Variants in KMT2A observed in about 807,000 individuals in gnomAD.
KMT2A encodes histone-lysine N-methyltransferase 2A.
A neutral mutation model predicts 345.3 loss-of-function variants in KMT2A; 16 were observed. The ratio of observed to expected loss-of-function variants is 0.05; its 90% confidence interval spans 0.03 to 0.07. The LOEUF (loss-of-function observed/expected upper bound fraction) is 0.07, where lower values mean the gene tolerates loss of function less well. KMT2A is among the 10% of genes least tolerant of loss of function. The pLI, the probability that KMT2A is intolerant of heterozygous loss-of-function variation, is 1.00. For synonymous variants in KMT2A, 1,599 were observed against 1,778.6 expected, an observed-to-expected ratio of 0.90 and a Z score of 2.54; for missense variants, 3,272 against 4,841.6, an observed-to-expected ratio of 0.68 and a Z score of 9.62.
chr11:118,511,874 C>A, intron 30 of KMT2A, 77 bp from the exon 31 acceptor site: 2 of 1,099,672 alleles, frequency 1.8e-6, no homozygotes, highest in Admixed American at 1.8e-5. Flanking sequence ...CTAAGCAGTG[C>A]TTGTGCACAT....
At position 118,491,784 on chromosome 11, in the gene KMT2A, G is replaced by A. The variant is rs1296033988; in HGVS notation, c.4860G>A (p.Val1620=). The change falls in exon 15 of 36, where the codon GTG becomes GTA. Residue 1620 remains valine (V), a synonymous_variant. Transcript: ENST00000534358. This position sits in a 1 kb window ranked among gnomAD's most constrained non-coding sequence, Gnocchi z 4.2. ...YEILSNLPES[V]AYTCVNCTER... Reference sequence around the variant, plus strand: ...TTCTATCTAATCTGCCAGAAAGTGTGGCCTACACTTGTGTGAACTGTACTG... The same window carrying A: ...TTCTATCTAATCTGCCAGAAAGTGTAGCCTACACTTGTGTGAACTGTACTG... The A allele has an allele frequency of 6.2e-7, 1 of 1,612,848 alleles. No individual in the cohort carries two copies. The highest frequency in any genetic ancestry group is 1.3e-5 in the African/African-American group (1 of 74,882).
intron 3 of KMT2A, among the ~76,000 whole-genome samples, chr11:118,475,234 A>G (rs782779403): frequency 3.9e-5 from 6 of 152,210 alleles, no homozygotes; most frequent in Admixed American, 6.5e-5. Context: ...GATGATGCCA[A>G]ATATTTTTAC....
chr11:118,480,447 TTTAAATTTATA>T (rs1188619979), intron 6 of KMT2A, among the ~76,000 whole-genome samples: 13 of 152,130 alleles, frequency 8.5e-5, no homozygotes, highest in African/African-American at 3.1e-4. Context: ...TAATAAATTT[TTTAAATTTATA>T]TAAAAATCAT....
chr11:118,492,710 TCA>T (rs1555042886), intron 15 of KMT2A, among the ~76,000 whole-genome samples: 1 of 152,104 alleles, frequency 6.6e-6, no homozygotes, highest in Non-Finnish European at 1.5e-5. Flanking sequence ...ACCGCATGGA[TCA>T]CTTTACCTCA....
intron 31 of KMT2A, among the ~76,000 whole-genome samples, chr11:118,513,859 G>A (rs1252595921): frequency 6.7e-6 from 1 of 148,498 alleles, no homozygotes. Context: ...AGCGCATTGA[G>A]CCTGGGAGGT....
chr11:118,501,618 G>A, intron 25 of KMT2A, 54 bp from the exon 26 acceptor site: 5 of 1,458,662 alleles, frequency 3.4e-6, no homozygotes, highest in Non-Finnish European at 4.7e-6. Flanking sequence ...TGGTTAATTT[G>A]TTTGATATTT....
chr11:118,472,322 A>G lies in KMT2A; in HGVS notation c.1163A>G (p.Glu388Gly). Residue 388 changes from glutamate (E) to glycine (G), a missense_variant, in exon 3 of 36, where the codon GAA (glutamate) becomes GGA (glycine). Glu to Gly is a moderately conservative substitution (Grantham distance 98). This residue lies in a region of KMT2A where 412 missense variants were observed against 511.0 expected (regional missense o/e 0.81). Coordinates refer to ENST00000534358, the MANE Select transcript of KMT2A (RefSeq NM_001197104.2). ...RAKKGAQKKI[E>G]KEAAQLQGRK... is the part of the protein sequence containing the mutation. ...AAAAAGGGGGCTCAAAAGAAAATTG[A>G]AAAAGAAGCAGCTCAGCTGCAGGGA... 1 of 1,614,182 alleles carries G rather than the reference A, an allele frequency of 6.2e-7. No individual in the cohort carries two copies. The highest frequency in any genetic ancestry group is 2.2e-5 in the East Asian group (1 of 44,886).
In KMT2A at chr11:118,509,175, T is replaced by C. The variant is rs199851071; in HGVS notation, c.10875T>C (p.Asn3625=). ...TTCCGGAAGTTCAGGTGACCCAAAA[T>C]CCAGCAAATGAACAAGAAAGTGCAG... The part of the protein sequence containing the change: ...AVLPEVQVTQ[N]PANEQESAEP... Residue 3625 remains asparagine (N), a synonymous_variant, in exon 29 of 36, where the codon AAT becomes AAC. Coordinates refer to ENST00000534358, the MANE Select transcript of KMT2A (RefSeq NM_001197104.2). 9.7e-5 allele frequency: 157 copies of C among 1,613,828 alleles called. No individual in the cohort carries two copies. In the East Asian group the frequency reaches 3.1e-3, roughly 32 times the overall value.
chr11:118,456,085 C>T (rs1231560997), intron 1 of KMT2A, among the ~76,000 whole-genome samples: 1 of 152,102 alleles, frequency 6.6e-6, no homozygotes, highest in Non-Finnish European at 1.5e-5. Context: ...ATCCCACTGC[C>T]TCAGGCCCCC....
rs9332745 is a variant in KMT2A, at chr11:118,436,601, C to G, written c.89C>G (p.Ala30Gly). 0.024 allele frequency: 27,701 copies of G among 1,166,772 alleles called. 397 individuals are homozygous for G. Among genetic ancestry groups the G allele is most frequent in the Non-Finnish European group, 0.027 (25,371 of 940,946 alleles). 72.3% of individuals were successfully genotyped at this position (1,166,772 alleles called of 1,614,324 possible). Residue 30 changes from alanine (A) to glycine (G), a missense_variant, in exon 1 of 36, where the codon GCC becomes GGC. Around this residue, in one of 27 missense-constraint regions of KMT2A, gnomAD observed 412 missense variants for 511.0 expected, o/e 0.81. Transcript: ENST00000534358. This position sits in a 1 kb window ranked among gnomAD's most constrained non-coding sequence, Gnocchi z 6.9. The part of the protein sequence containing the change: ...GGGGRRGLGG[A>G]PRQRVPALLL... ...GGGGGGCGCCGGGGCCTAGGGGGCG[C>G]CCCGCGGCAACGCGTCCCGGCCCTG...
chr11:118,500,238 A>T (rs1219635288), intron 24 of KMT2A, among the ~76,000 whole-genome samples: 1 of 152,208 alleles, frequency 6.6e-6, no homozygotes, highest in Non-Finnish European at 1.5e-5. Flanking sequence ...TTTTATGGAT[A>T]AAACAGCTCA....
At chr11:118,499,455 A>G (rs1555045017) in intron 23 of KMT2A, 35 bp downstream of exon 23, 2 of 1,314,880 alleles carry the variant, frequency 1.5e-6, no homozygotes, top group Non-Finnish European at 2.2e-6. Flanking sequence ...GGAAGGCTGT[A>G]TATATCATTG....
intron 1 of KMT2A, among the ~76,000 whole-genome samples, chr11:118,444,886 T>G (rs892320506): frequency 6.6e-5 from 10 of 152,216 alleles, no homozygotes; most frequent in Admixed American, 6.5e-4. Flanking sequence ...GAAAAGTTTT[T>G]GAACCTCTCC....
At chr11:118,492,743 C>T (rs550298010) in intron 15 of KMT2A, among the ~76,000 whole-genome samples, 36 of 152,244 alleles carry the variant, frequency 2.4e-4, no homozygotes, top group African/African-American at 8.4e-4. Context: ...GCTGTTTTAT[C>T]TTTTAATAGA....
At chr11:118,457,386 C>A (rs186471007) in intron 1 of KMT2A, among the ~76,000 whole-genome samples, 100 of 151,072 alleles carry the variant, frequency 6.6e-4, no homozygotes, top group Non-Finnish European at 9.0e-4. Flanking sequence ...TCCGCCTCAG[C>A]CTCCTGAGTA....
chr11:118,520,634 G>A lies in KMT2A; in HGVS notation c.11430-168G>A. On this transcript the variant is annotated intron_variant, in intron 33 of 35. Coordinates refer to ENST00000534358, the MANE Select transcript of KMT2A (RefSeq NM_001197104.2). The surrounding 1 kb of genome is among the most constrained non-coding windows in gnomAD (Gnocchi z 4.3). ...CCACTGGACTCCAGCCTGGGCGACA[G>A]AGCGAAACTCCATCTCAAAAAAAAA... The A allele has an allele frequency of 1.7e-6, 1 of 604,458 alleles. No homozygotes were observed. The allele number at this position is 604,458 out of a possible 1,614,324, so 37.4% of individuals were successfully genotyped here. A position where few individuals can be genotyped will look rare whatever the true frequency, so the allele number is the denominator to read the frequency against.
rs1950520074 is a variant in KMT2A, at chr11:118,502,753, A to C, written c.6861A>C (p.Ser2287=). 6.2e-7 allele frequency: 1 copy of C among 1,614,044 alleles called. No homozygotes were observed. Residue 2287 remains serine (S), a synonymous_variant, in exon 27 of 36, where the codon TCA becomes TCC. Coordinates refer to ENST00000534358, the MANE Select transcript of KMT2A (RefSeq NM_001197104.2). This position sits in a 1 kb window ranked among gnomAD's most constrained non-coding sequence, Gnocchi z 4.9. Reference sequence around the variant, plus strand: ...AAAACAGTCACTTGGATGGATCTTCATCTTCAGAAATGAAGCAGTCCAGTG... The same window carrying C: ...AAAACAGTCACTTGGATGGATCTTCCTCTTCAGAAATGAAGCAGTCCAGTG... ...GNKNSHLDGS[S]SSEMKQSSAS...
At position 118,499,250 on chromosome 11, in the gene KMT2A, G is replaced by GTA. The variant is rs1192446045; in HGVS notation, c.5962-50_5962-49dup. 8.3e-6 allele frequency: 9 copies of GTA among 1,085,286 alleles called. No individual in the cohort carries two copies. The African/African-American group carries it at 9.3e-5, about 11-fold the overall frequency. The allele number at this position is 1,085,286 out of a possible 1,614,324, so 67.2% of individuals were successfully genotyped here. A position where few individuals can be genotyped will look rare whatever the true frequency, so the allele number is the denominator to read the frequency against. ...CACTCTGAGACAGTCAGGATCATAA[G>GTA]TATAATGTGCAAAGGGACAGCCTAT... On this transcript the variant is annotated intron_variant, in intron 22 of 35. Coordinates refer to ENST00000534358, the MANE Select transcript of KMT2A (RefSeq NM_001197104.2).
At chr11:118,499,271 C>T (rs1950460017) in intron 22 of KMT2A, 32 bp from the exon 23 acceptor site, 2 of 1,315,386 alleles carry the variant, frequency 1.5e-6, no homozygotes, top group Non-Finnish European at 2.2e-6. Flanking sequence ...AAAGGGACAG[C>T]CTATTAACAG....
Sources: allele counts gnomAD v4.1 joint callset (sites outside exome capture counted in the v4.1 genomes callset), GRCh38; gene constraint gnomAD v4.1.1; regional missense constraint gnomAD v4.1.1; non-coding constraint Gnocchi (gnomAD v3.1); transcripts MANE v1.5; gene names NCBI Gene and HGNC (gene_info 2026-07-23, HGNC 2026-07-21).